SETD3: variants seen among roughly 807,000 people sequenced by gnomAD.
SETD3 encodes SET domain containing 3, actin N3(tau)-histidine methyltransferase, also known as actin-histidine N-methyltransferase.
Under a neutral mutation model 63.0 loss-of-function variants are expected in SETD3, and 19 were observed. The ratio of observed to expected loss-of-function variants is 0.30; its 90% confidence interval spans 0.21 to 0.44. SETD3 has a LOEUF of 0.44. Ranked by LOEUF, SETD3 falls within the 20% of genes least tolerant of loss-of-function variation. The pLI is 1.00. For missense variants in SETD3, 587 were observed against 728.5 expected, an observed-to-expected ratio of 0.81 and a Z score of 2.24; for synonymous variants, 286 against 264.1, an observed-to-expected ratio of 1.08 and a Z score of -0.80.
In SETD3 at chr14:99,398,908, A is replaced by C. The variant is rs1468815667; in HGVS notation, c.1556T>G (p.Leu519Arg). ...LLESSVGDSRLPLVLRNLEEE... is the reference protein window; with the variant it reads ...LLESSVGDSRRPLVLRNLEEE... ...CTCGAGGTTTCTCAAGACCAGGGGG[A>C]GCCTCGAGTCCCCCACGCTGCTCTC... The change falls in exon 13 of 13, where the codon CTC (leucine) becomes CGC (arginine). Residue 519 changes from leucine to arginine, a missense_variant. Transcript: ENST00000331768. 3.1e-6 allele frequency: 5 copies of C among 1,613,824 alleles called. No homozygotes were observed. Among genetic ancestry groups the C allele is most frequent in the Non-Finnish European group, 4.2e-6 (5 of 1,179,940 alleles).
chr14:99,481,380 C>A (rs1896308881), upstream of SETD3: 3 of 398,568 alleles, frequency 7.5e-6, no homozygotes, highest in Admixed American at 4.4e-5. Context: ...GGTGGCGTCT[C>A]AGGACGCAGC....
At chr14:99,462,753 T>A (rs747725254) in intron 3 of SETD3, among the ~76,000 whole-genome samples, 2 of 152,166 alleles carry the variant, frequency 1.3e-5, no homozygotes. Flanking sequence ...TGTTTAGAGA[T>A]GTGTATGGAA....
At chr14:99,424,220 G>T (rs1437920506) in intron 6 of SETD3, among the ~76,000 whole-genome samples, 1 of 152,188 alleles carries the variant, frequency 6.6e-6, no homozygotes, top group African/African-American at 2.4e-5. Flanking sequence ...CTTCAGAATT[G>T]GGTTTTGAAA....
rs756198673 is a variant in SETD3, at chr14:99,458,283, A to G, written c.671T>C (p.Ile224Thr). ...ARQYAYFYKV[I>T]QTHPHANKLP... ...AAATTGCAAACAGCTGCTCACCTGGATGACTTTATAGAAGTAGGCGTACTG... is the reference window on the plus strand; with the variant it reads ...AAATTGCAAACAGCTGCTCACCTGGGTGACTTTATAGAAGTAGGCGTACTG... The change falls in exon 6 of 13, where the codon ATC becomes ACC. Residue 224 changes from isoleucine (I) to threonine (T), a missense_variant. Transcript: ENST00000331768. 10 of 1,610,916 alleles carry G rather than the reference A, an allele frequency of 6.2e-6. No individual in the cohort carries two copies. The Admixed American group carries it at 1.7e-4, about 27-fold the overall frequency.
intron 6 of SETD3, among the ~76,000 whole-genome samples, chr14:99,447,096 C>T (rs1894177486): frequency 6.6e-6 from 1 of 152,090 alleles, no homozygotes; most frequent in African/African-American, 2.4e-5. Flanking sequence ...CTCAGCCTCC[C>T]AAGTATCTGG....
chr14:99,468,549 G>T (rs970274909), intron 1 of SETD3, among the ~76,000 whole-genome samples: 1 of 152,064 alleles, frequency 6.6e-6, no homozygotes, highest in Admixed American at 6.5e-5. Flanking sequence ...TGGAATAAAA[G>T]GAAACCAGCA....
rs751151301 is a variant in SETD3, at chr14:99,463,560, G to C, written c.122C>G (p.Pro41Arg). Residue 41 changes from proline (P) to arginine (R), a missense_variant, in exon 3 of 13, where the codon CCT becomes CGT. Pro to Arg is a moderately radical substitution (Grantham distance 103). Coordinates refer to ENST00000331768, the MANE Select transcript of SETD3 (RefSeq NM_032233.3). ...ELLQKCSSPA[P>R]GPGKEWEEYV... ...CTCTTCCCACTCTTTTCCTGGGCCA[G>C]GCGCCGGACTGCTGCATTCTGTAAC... is the stretch of plus-strand genomic sequence containing the variant. 6.2e-7 allele frequency: 1 copy of C among 1,613,988 alleles called. No individual in the cohort carries two copies. The highest frequency in any genetic ancestry group is 8.5e-7 in the Non-Finnish European group (1 of 1,179,952).
At chr14:99,418,167 T>A (rs1002780198) in intron 6 of SETD3, among the ~76,000 whole-genome samples, 1 of 152,208 alleles carries the variant, frequency 6.6e-6, no homozygotes, top group African/African-American at 2.4e-5. Context: ...AATATATTTA[T>A]GGAAGAATTC....
At chr14:99,424,140 A>C (rs1332673717) in intron 6 of SETD3, among the ~76,000 whole-genome samples, 3 of 152,240 alleles carry the variant, frequency 2.0e-5, no homozygotes, top group African/African-American at 7.2e-5. Context: ...AGAATGCAGG[A>C]AATCCAATAG....
Position 99,458,460 on chromosome 14 carries a change from C to T in SETD3, c.494G>A (p.Arg165Gln). ...IALAFHLLCERASPNSFWQPY... is the reference protein window; with the variant it reads ...IALAFHLLCEQASPNSFWQPY... ...CTGCCAGAAGGAGTTAGGGCTGGCT[C>T]GCTCACACAGCAAATGAAAGGCCAG... Residue 165 changes from arginine to glutamine, a missense_variant, in exon 6 of 13, where the codon CGA (arginine) becomes CAA (glutamine). Physicochemically the swap from Arg to Gln is conservative, Grantham distance 43 (BLOSUM62 1). Transcript: ENST00000331768. 2 of 1,614,086 alleles carry T rather than the reference C, an allele frequency of 1.2e-6. No individual in the cohort carries two copies. The highest frequency in any genetic ancestry group is 1.7e-5 in the Admixed American group (1 of 60,014).
At chr14:99,424,140 A>G (rs1332673717) in intron 6 of SETD3, among the ~76,000 whole-genome samples, 1 of 152,240 alleles carries the variant, frequency 6.6e-6, no homozygotes, top group Non-Finnish European at 1.5e-5. Flanking sequence ...AGAATGCAGG[A>G]AATCCAATAG....
rs1891187959 is a variant in SETD3, at chr14:99,398,086, T to TATA, written c.*590_*592dup. 1 of 152,624 alleles carries TATA rather than the reference T, an allele frequency of 6.6e-6. No individual in the cohort carries two copies. The highest frequency in any genetic ancestry group is 2.1e-4 in the South Asian group (1 of 4,830). 9.5% of individuals were successfully genotyped at this position (152,624 alleles called of 1,614,324 possible). A position where few individuals can be genotyped will look rare whatever the true frequency, so the allele number is the denominator to read the frequency against. On this transcript the variant is annotated 3_prime_UTR_variant, in exon 13 of 13. Coordinates refer to ENST00000331768, the MANE Select transcript of SETD3 (RefSeq NM_032233.3). ...ATATGTGTGTTTATATATATATTTT[T>TATA]ATATAATTAGGATTATCATCATTTC...
At chr14:99,416,716 T>G (rs1471447560) in intron 6 of SETD3, among the ~76,000 whole-genome samples, 1 of 152,126 alleles carries the variant, frequency 6.6e-6, no homozygotes, top group African/African-American at 2.4e-5. Context: ...AGCCCACACC[T>G]CCCAGTAAAT....
intron 6 of SETD3, among the ~76,000 whole-genome samples, chr14:99,432,295 T>G (rs1386510124): frequency 6.6e-6 from 1 of 152,228 alleles, no homozygotes; most frequent in Non-Finnish European, 1.5e-5. Context: ...ATTTATTTTC[T>G]GAATTGAATA....
intron 6 of SETD3, among the ~76,000 whole-genome samples, chr14:99,423,588 C>CAAAA (rs536996347): frequency 0.019 from 695 of 36,872 alleles, 212 homozygotes; most frequent in African/African-American, 0.052. Context: ...CACTGTTATG[C>CAAAA]AAAAAAAAAA....
At chr14:99,474,988 A>G (rs1340157059) in intron 1 of SETD3, among the ~76,000 whole-genome samples, 3 of 152,234 alleles carry the variant, frequency 2.0e-5, no homozygotes, top group South Asian at 4.1e-4. Flanking sequence ...CATTGAATGA[A>G]GTTGCAAATA....
intron 6 of SETD3, among the ~76,000 whole-genome samples, chr14:99,445,709 G>GTTC (rs1490403658): frequency 1.3e-5 from 2 of 152,142 alleles, no homozygotes; most frequent in Non-Finnish European, 2.9e-5. Flanking sequence ...ATGTGGGAGT[G>GTTC]TTCTCATAAG....
chr14:99,461,481 C>A, intron 3 of SETD3, 141 bp from the exon 4 acceptor site: 1 of 773,260 alleles, frequency 1.3e-6, no homozygotes, highest in Non-Finnish European at 2.1e-6. Flanking sequence ...AACTAATCAC[C>A]AGATGGTCAC....
At chr14:99,451,535 G>A (rs1320093499) in intron 6 of SETD3, among the ~76,000 whole-genome samples, 1 of 151,916 alleles carries the variant, frequency 6.6e-6, no homozygotes, top group Non-Finnish European at 1.5e-5. Context: ...TCGCTCTGTC[G>A]CTGGATTAGG....
Sources: allele counts gnomAD v4.1 joint callset (sites outside exome capture counted in the v4.1 genomes callset), GRCh38; gene constraint gnomAD v4.1.1; transcripts MANE v1.5; gene names NCBI Gene and HGNC (gene_info 2026-07-23, HGNC 2026-07-21).